Variants in FABP12 observed in about 807,000 individuals in gnomAD.
FABP12 encodes the protein fatty acid-binding protein 12.
Under a neutral mutation model 13.7 loss-of-function variants are expected in FABP12, and 19 were observed. The ratio of observed to expected loss-of-function variants is 1.39; its 90% confidence interval spans 0.97 to 2.04. The LOEUF (loss-of-function observed/expected upper bound fraction) is 2.04. FABP12 is among the 30% of genes most tolerant of loss of function. The pLI is 0.00. For synonymous variants in FABP12, 61 were observed against 57.0 expected (o/e 1.07, Z -0.32); for missense variants, 182 against 164.2 (o/e 1.11, Z -0.59).
intron 1 of FABP12, among the ~76,000 whole-genome samples, chr8:81,553,813 AT>A (rs1229463200): frequency 2.6e-5 from 4 of 152,198 alleles, no homozygotes; most frequent in African/African-American, 9.7e-5. Context: ...CAGTGCTCAA[AT>A]GTAGAGAAGG....
At chr8:81,549,518 G>C (rs1809493211) in intron 1 of FABP12, among the ~76,000 whole-genome samples, 1 of 152,088 alleles carries the variant, frequency 6.6e-6, no homozygotes, top group Non-Finnish European at 1.5e-5. Flanking sequence ...GTTAAAACTG[G>C]CACCCCAGAA....
At chr8:81,540,253 A>C (rs567900016) in intron 1 of FABP12, among the ~76,000 whole-genome samples, 27 of 152,374 alleles carry the variant, frequency 1.8e-4, no homozygotes, top group Admixed American at 2.6e-4. Context: ...TAAGTCCTCC[A>C]AGTGATTCTG....
At chr8:81,562,768 C>A (rs562079787) in intron 1 of FABP12, among the ~76,000 whole-genome samples, 6 of 152,228 alleles carry the variant, frequency 3.9e-5, no homozygotes, top group African/African-American at 1.4e-4. Context: ...TAGAGGACCA[C>A]ATAGATTCCT....
intron 1 of FABP12, among the ~76,000 whole-genome samples, chr8:81,569,046 AACAGGGTAACT>A (rs1809878541): frequency 6.6e-6 from 1 of 152,200 alleles, no homozygotes; most frequent in Non-Finnish European, 1.5e-5. Flanking sequence ...GATCTATCAC[AACAGGGTAACT>A]ACAGTGAACA....
At chr8:81,567,220 G>A (rs777024307) in intron 1 of FABP12, among the ~76,000 whole-genome samples, 12 of 152,150 alleles carry the variant, frequency 7.9e-5, no homozygotes, top group African/African-American at 1.7e-4. Context: ...TAAAATGCCC[G>A]TACTACTAAA....
intron 1 of FABP12, among the ~76,000 whole-genome samples, chr8:81,540,933 C>T (rs577213226): frequency 2.6e-5 from 4 of 151,856 alleles, no homozygotes; most frequent in Non-Finnish European, 4.4e-5. Context: ...TTTGGGAGGC[C>T]GAGGCGGGTG....
exon 2 of FABP12, chr8:81,531,388 G>A (rs953558313): frequency 6.8e-5 from 70 of 1,023,070 alleles, no homozygotes; most frequent in African/African-American, 2.9e-4. Flanking sequence ...AGTAGTATGG[G>A]AACTTGTTTT....
At chr8:81,526,352 A>C (rs56292431) in intron 4 of FABP12, 1,524 of 152,294 alleles carry the variant, frequency 0.01, 32 homozygotes, top group African/African-American at 0.035. Flanking sequence ...CTGGGAAACC[A>C]TCTGAAAGGG....
At chr8:81,537,876 T>C (rs899099395), upstream of FABP12, among the ~76,000 whole-genome samples, 2 of 152,202 alleles carry the variant, frequency 1.3e-5, no homozygotes, top group Non-Finnish European at 2.9e-5. Flanking sequence ...AGTTCAACTT[T>C]TTTTTAATAG....
At chr8:81,531,822 C>T (rs998795048) in intron 1 of FABP12, among the ~76,000 whole-genome samples, 10 of 152,116 alleles carry the variant, frequency 6.6e-5, no homozygotes, top group African/African-American at 2.4e-4. Flanking sequence ...TGGTACTTGA[C>T]ATTTGAAGTA....
chr8:81,542,890 T>A (rs1434420775), intron 1 of FABP12, among the ~76,000 whole-genome samples: 2 of 152,122 alleles, frequency 1.3e-5, no homozygotes, highest in Non-Finnish European at 2.9e-5. Flanking sequence ...ATTTGGTGAG[T>A]CAGGATAGCT....
chr8:81,545,691 T>C (rs1809423805), intron 1 of FABP12, among the ~76,000 whole-genome samples: 2 of 152,264 alleles, frequency 1.3e-5, no homozygotes, highest in Non-Finnish European at 2.9e-5. Context: ...GTTAGAAAGT[T>C]GTTTCTAATT....
intron 1 of FABP12, among the ~76,000 whole-genome samples, chr8:81,588,791 C>A (rs75428705): frequency 0.019 from 2,915 of 152,182 alleles, 66 homozygotes; most frequent in African/African-American, 0.056. Context: ...TTTAAGGAGA[C>A]GTGATTTGGA....
intron 1 of FABP12, among the ~76,000 whole-genome samples, chr8:81,549,417 G>T (rs1014578956): frequency 7.9e-5 from 12 of 152,282 alleles, no homozygotes; most frequent in Non-Finnish European, 1.5e-4. Flanking sequence ...TAAACCAAGG[G>T]AGACTTCAGA....
At chr8:81,558,288 T>C (rs1809655402) in intron 1 of FABP12, among the ~76,000 whole-genome samples, 1 of 152,160 alleles carries the variant, frequency 6.6e-6, no homozygotes, top group South Asian at 2.1e-4. Context: ...GTCTCTTCCA[T>C]ATGGACCTAA....
At chr8:81,549,300 C>T (rs745494620) in intron 1 of FABP12, among the ~76,000 whole-genome samples, 1 of 152,016 alleles carries the variant, frequency 6.6e-6, no homozygotes, top group Non-Finnish European at 1.5e-5. Flanking sequence ...AAATCCCTAA[C>T]AGAGAAGGAG....
At chr8:81,525,388 C>T (rs537342135) in intron 4 of FABP12, among the ~76,000 whole-genome samples, 1 of 152,086 alleles carries the variant, frequency 6.6e-6, no homozygotes, top group African/African-American at 2.4e-5. Flanking sequence ...TGATGGCATG[C>T]GCCTATAGTC....
chr8:81,549,578 G>A (rs78346535), intron 1 of FABP12, among the ~76,000 whole-genome samples: 5,586 of 152,248 alleles, frequency 0.037, 125 homozygotes, highest in Middle Eastern at 0.096. Flanking sequence ...AGATTTAAAA[G>A]TTCACTGAAC....
At chr8:81,570,198 A>G (rs1242865189) in intron 1 of FABP12, among the ~76,000 whole-genome samples, 1 of 152,230 alleles carries the variant, frequency 6.6e-6, no homozygotes, top group African/African-American at 2.4e-5. Context: ...CAAGGACCCA[A>G]AGAGTGAGTC....
Sources: allele counts gnomAD v4.1 joint callset (sites outside exome capture counted in the v4.1 genomes callset), GRCh38; gene constraint gnomAD v4.1.1; transcripts MANE v1.5; gene names NCBI Gene and HGNC (gene_info 2026-07-23, HGNC 2026-07-21).